FAM3D: variants seen among roughly 807,000 people sequenced by gnomAD.
FAM3D encodes FAM3 metabolism regulating signaling molecule D, also known as protein FAM3D.
In FAM3D, 26 loss-of-function variants were observed where a neutral mutation model predicts 29.8. The ratio of observed to expected loss-of-function variants is 0.87; its 90% CI spans 0.64 to 1.21. FAM3D has a LOEUF of 1.21. FAM3D is among the 50% of genes most tolerant of loss of function. The pLI, the probability that FAM3D is intolerant of heterozygous loss-of-function variation, is 0.00. For synonymous variants in FAM3D, 115 were observed against 102.3 expected (o/e 1.12, Z -0.75); for missense variants, 253 against 290.9 (o/e 0.87, Z 0.95).
In FAM3D at chr3:58,638,213, T is replaced by C. The variant is rs531022078; in HGVS notation, c.374-988A>G. Among the ~76,000 whole-genome samples, 33 of 152,340 alleles carry C rather than the reference T, an allele frequency of 2.2e-4. No individual in the cohort carries two copies. In the South Asian group the frequency reaches 6.4e-3, roughly 30 times the overall value. ...CATTGTGATTATTTTTATGGTCACC[T>C]TCCCTGCATAACAAGTGATAATAGC... On this transcript the variant is annotated intron_variant, in intron 7 of 9. Coordinates refer to ENST00000358781, the MANE Select transcript of FAM3D (RefSeq NM_138805.3).
intron 1 of FAM3D, among the ~76,000 whole-genome samples, chr3:58,656,653 TCTGA>T (rs1321769613): frequency 6.6e-6 from 1 of 152,156 alleles, no homozygotes; most frequent in Non-Finnish European, 1.5e-5. Context: ...GGTAACCTTC[TCTGA>T]CTGTGATGAC....
chr3:58,638,037 G>C (rs1056038333), intron 7 of FAM3D, among the ~76,000 whole-genome samples: 2 of 152,112 alleles, frequency 1.3e-5, no homozygotes, highest in Non-Finnish European at 2.9e-5. Context: ...GGCATGCGCC[G>C]CCATGCCTGG....
intron 6 of FAM3D, among the ~76,000 whole-genome samples, chr3:58,642,627 G>A (rs6771719): frequency 0.44 from 66,418 of 151,950 alleles, 15,621 homozygotes; most frequent in South Asian, 0.6. Flanking sequence ...CTCCTGAAAC[G>A]TGTCCCTACT....
intron 3 of FAM3D, among the ~76,000 whole-genome samples, chr3:58,652,896 C>CCA (rs56016183): frequency 8.6e-5 from 13 of 150,966 alleles, no homozygotes; most frequent in Non-Finnish European, 1.5e-4. Flanking sequence ...ATCCATCCAT[C>CCA]TCTCCATCTA....
intron 1 of FAM3D, among the ~76,000 whole-genome samples, chr3:58,661,655 C>T (rs1219055189): frequency 6.6e-6 from 1 of 152,182 alleles, no homozygotes; most frequent in African/African-American, 2.4e-5. Context: ...CATCTAGGTC[C>T]TGTCATGGGA....
Position 58,645,715 on chromosome 3 carries a change from C to T in FAM3D, c.146-89G>A, listed in dbSNP as rs143089006. ...GGGAGGGCCAGGGCTAGGGCCAGGG[C>T]GCAGCTTGGGATGAAGCTCAGAGCC... is the stretch of plus-strand genomic sequence containing the variant. On this transcript the variant is annotated intron_variant, in intron 4 of 9. Transcript: ENST00000358781. 391 of 1,109,116 alleles carry T rather than the reference C, an allele frequency of 3.5e-4. 2 individuals are homozygous for T. In the African/African-American group the frequency reaches 5.3e-3, roughly 15 times the overall value. The allele number at this position is 1,109,116 out of a possible 1,614,324, so 68.7% of individuals were successfully genotyped here. A position where few individuals can be genotyped will look rare whatever the true frequency, so the allele number is the denominator to read the frequency against.
intron 1 of FAM3D, among the ~76,000 whole-genome samples, chr3:58,664,699 G>C (rs778606445): frequency 2.6e-5 from 4 of 152,248 alleles, no homozygotes; most frequent in Non-Finnish European, 4.4e-5. Flanking sequence ...AAATGCCAAA[G>C]GCAGGGTTGC....
intron 1 of FAM3D, among the ~76,000 whole-genome samples, chr3:58,659,112 C>T (rs1016163135): frequency 1.1e-4 from 17 of 152,156 alleles, no homozygotes; most frequent in Admixed American, 2.0e-4. Flanking sequence ...GAAGGTGATG[C>T]TATCTACCTG....
chr3:58,643,500 C>A (rs1028962387), intron 6 of FAM3D, among the ~76,000 whole-genome samples, 162 bp downstream of exon 6: 5 of 152,198 alleles, frequency 3.3e-5, no homozygotes, highest in South Asian at 2.1e-4. Flanking sequence ...GTCTTTGAGA[C>A]CTTCTGTTCC....
intron 3 of FAM3D, among the ~76,000 whole-genome samples, chr3:58,652,759 G>A (rs560535139): frequency 6.7e-6 from 1 of 150,026 alleles, no homozygotes; most frequent in South Asian, 2.1e-4. Flanking sequence ...CCATTCATCT[G>A]TCCATCTACT....
intron 8 of FAM3D, among the ~76,000 whole-genome samples, chr3:58,636,821 TA>T (rs1468834965): frequency 6.6e-6 from 1 of 152,116 alleles, no homozygotes; most frequent in African/African-American, 2.4e-5. Context: ...TCCACGTCCT[TA>T]AATACTTTCC....
At chr3:58,651,188 G>C (rs1178484715) in intron 3 of FAM3D, among the ~76,000 whole-genome samples, 3 of 152,116 alleles carry the variant, frequency 2.0e-5, no homozygotes, top group Admixed American at 1.3e-4. Context: ...CCAACAGACT[G>C]TGTTATTAAA....
At chr3:58,653,401 C>T (rs1055438990) in intron 3 of FAM3D, among the ~76,000 whole-genome samples, 1 of 152,218 alleles carries the variant, frequency 6.6e-6, no homozygotes, top group Admixed American at 6.5e-5. Context: ...TGTCCTTCCT[C>T]CTTTCTTTCC....
At chr3:58,657,227 C>T (rs1177437815) in intron 1 of FAM3D, among the ~76,000 whole-genome samples, 1 of 151,966 alleles carries the variant, frequency 6.6e-6, no homozygotes, top group East Asian at 1.9e-4. Flanking sequence ...CCAGGAGAGT[C>T]GGTGGCCGGA....
intron 7 of FAM3D, among the ~76,000 whole-genome samples, chr3:58,638,361 C>T (rs1345590815): frequency 1.3e-5 from 2 of 152,260 alleles, no homozygotes; most frequent in Non-Finnish European, 1.5e-5. Context: ...TGGTGCAACT[C>T]GAGTGGGCTC....
At position 58,637,319 on chromosome 3, in the gene FAM3D, T is replaced by C. The variant is rs2066203392; in HGVS notation, c.374-94A>G. 8 of 1,175,738 alleles carry C rather than the reference T, an allele frequency of 6.8e-6. No individual in the cohort carries two copies. The East Asian group carries it at 2.1e-4, about 30-fold the overall frequency. The allele number at this position is 1,175,738 out of a possible 1,614,324, so 72.8% of individuals were successfully genotyped here. ...ACTGCCCCATGATGCAGGAGTCAGCTAGGCCCGGTGGACACTGGGCTGAGC... is the reference window on the plus strand; with the variant it reads ...ACTGCCCCATGATGCAGGAGTCAGCCAGGCCCGGTGGACACTGGGCTGAGC... On this transcript the variant is annotated intron_variant, in intron 7 of 9. Transcript: ENST00000358781.
At chr3:58,661,620 G>A (rs1400764833) in intron 1 of FAM3D, among the ~76,000 whole-genome samples, 1 of 152,198 alleles carries the variant, frequency 6.6e-6, no homozygotes, top group Admixed American at 6.5e-5. Context: ...ATAACGTGGT[G>A]GCTAAGAGTG....
At chr3:58,639,518 C>T (rs2066268333) in intron 7 of FAM3D, among the ~76,000 whole-genome samples, 2 of 152,190 alleles carry the variant, frequency 1.3e-5, no homozygotes, top group African/African-American at 4.8e-5. Context: ...GGCCTGTCCC[C>T]ATCTCCTGTT....
chr3:58,659,130 A>G (rs2066883220), intron 1 of FAM3D, among the ~76,000 whole-genome samples: 1 of 152,130 alleles, frequency 6.6e-6, no homozygotes, highest in Non-Finnish European at 1.5e-5. Flanking sequence ...CTGTCCTGGA[A>G]GGGATGTTGG....
Sources: allele counts gnomAD v4.1 joint callset (sites outside exome capture counted in the v4.1 genomes callset), GRCh38; gene constraint gnomAD v4.1.1; transcripts MANE v1.5; gene names NCBI Gene and HGNC (gene_info 2026-07-23, HGNC 2026-07-21).